LARP4B: variants seen among roughly 807,000 people sequenced by gnomAD.
The protein encoded by LARP4B is La ribonucleoprotein 4B.
LARP4B carries 12 observed loss-of-function variants against 89.8 expected under a neutral mutation model. The observed-to-expected ratio is 0.13, with a 90% CI of 0.09 to 0.22. The LOEUF is 0.22. LARP4B is among the 10% of genes least tolerant of loss of function. The probability of loss-of-function intolerance (pLI) is 1.00; values close to 1 mark genes in which losing one functional copy is unlikely to be tolerated. For synonymous variants in LARP4B, 367 were observed against 363.3 expected (o/e 1.01, Z -0.12); for missense variants, 757 against 947.7 (o/e 0.80, Z 2.64).
chr10:897,819 C>G (rs1471954887), intron 1 of LARP4B, among the ~76,000 whole-genome samples: 1 of 151,770 alleles, frequency 6.6e-6, no homozygotes, highest in Non-Finnish European at 1.5e-5. Context: ...GAGACCCTGT[C>G]TCTACTTAAA....
chr10:974,352 A>G, the LARP4B span, among the ~76,000 whole-genome samples: 1 of 151,944 alleles, frequency 6.6e-6, no homozygotes, highest in African/African-American at 2.4e-5. Flanking sequence ...CCCATTAACT[A>G]TTTCTCCAGA....
chr10:878,077 C>A (rs1031473409), intron 3 of LARP4B, among the ~76,000 whole-genome samples: 1 of 152,124 alleles, frequency 6.6e-6, no homozygotes, highest in Admixed American at 6.5e-5. Flanking sequence ...AGGCAGAGAG[C>A]CCTGCGGTAA....
chr10:891,438 T>C (rs528291292), intron 1 of LARP4B, among the ~76,000 whole-genome samples: 1 of 152,362 alleles, frequency 6.6e-6, no homozygotes, highest in South Asian at 2.1e-4. Context: ...TTCTCAGATG[T>C]GATAACGATG....
chr10:891,641 A>G (rs937383816), intron 1 of LARP4B, among the ~76,000 whole-genome samples: 2 of 152,150 alleles, frequency 1.3e-5, no homozygotes, highest in Non-Finnish European at 2.9e-5. Context: ...TACATTTGAA[A>G]TTTTCTATAA....
chr10:830,844 G>A, intron 9 of LARP4B, 23 bp downstream of exon 9: 5 of 990,914 alleles, frequency 5.0e-6, no homozygotes, highest in Non-Finnish European at 8.1e-6. Flanking sequence ...GCAATTCATA[G>A]GGTGATGGTG....
the LARP4B span, among the ~76,000 whole-genome samples, chr10:979,832 G>A: frequency 2.0e-5 from 3 of 152,012 alleles, no homozygotes; most frequent in Non-Finnish European, 1.5e-5. Context: ...TTAGCCAGGT[G>A]TGGTGGTGGG....
chr10:968,735 C>T, the LARP4B span, among the ~76,000 whole-genome samples: 2 of 152,368 alleles, frequency 1.3e-5, no homozygotes, highest in South Asian at 2.1e-4. Flanking sequence ...ATGGCAACAT[C>T]GGGAGGAAAT....
rs56787174 is a variant in LARP4B, at chr10:909,293, C to CAAA, written c.-40+22132_-40+22134dup. Among the ~76,000 whole-genome samples, 420 of 80,800 alleles carry CAAA rather than the reference C, an allele frequency of 5.2e-3. 12 individuals carry two copies. The highest frequency in any genetic ancestry group is 0.021 in the African/African-American group (376 of 18,198). The allele number at this position is 80,800 out of a possible 152,430, so 53.0% of individuals were successfully genotyped here. A position where few individuals can be genotyped will look rare whatever the true frequency, so the allele number is the denominator to read the frequency against. ...TGGGCGACAGAGCACGACTCCGTCT[C>CAAA]AAAAAAAAAAAAAAAAAAAGGAAAT... On this transcript the variant is annotated intron_variant, in intron 1 of 17. Coordinates refer to ENST00000316157, the MANE Select transcript of LARP4B (RefSeq NM_015155.3).
intron 11 of LARP4B, among the ~76,000 whole-genome samples, chr10:827,752 T>C (rs866207267): frequency 9.2e-5 from 14 of 152,258 alleles, no homozygotes; most frequent in Middle Eastern, 6.8e-3. Flanking sequence ...AGGACTAGCA[T>C]GGCAAGCCAC....
the LARP4B span, among the ~76,000 whole-genome samples, chr10:958,343 C>T: frequency 6.6e-6 from 1 of 152,212 alleles, no homozygotes; most frequent in African/African-American, 2.4e-5. Flanking sequence ...TGGGCGCAGA[C>T]ACCCCGTGAA....
At chr10:933,924 C>T (rs1830717405), upstream of LARP4B, among the ~76,000 whole-genome samples, 2 of 151,998 alleles carry the variant, frequency 1.3e-5, no homozygotes, top group African/African-American at 4.8e-5. Flanking sequence ...CCTCAGTCTC[C>T]CGGGTTCAAG....
chr10:843,956 G>C (rs1833653882), intron 6 of LARP4B, among the ~76,000 whole-genome samples: 1 of 152,212 alleles, frequency 6.6e-6, no homozygotes, highest in East Asian at 1.9e-4. Flanking sequence ...CTATTTTCTG[G>C]TGTTTTGGCC....
intron 5 of LARP4B, among the ~76,000 whole-genome samples, chr10:857,183 T>C (rs1834346451): frequency 6.6e-6 from 1 of 152,088 alleles, no homozygotes; most frequent in Non-Finnish European, 1.5e-5. Flanking sequence ...GAACCAGGCA[T>C]GACAGAGATG....
In LARP4B at chr10:825,749, C is replaced by T. The variant is rs778027831; in HGVS notation, c.1232+15G>A. The T allele has an allele frequency of 6.3e-6, 10 of 1,591,872 alleles. No homozygotes were observed. The East Asian group carries it at 8.9e-5, about 14-fold the overall frequency. On this transcript the variant is annotated intron_variant, in intron 12 of 17. Coordinates refer to ENST00000316157, the MANE Select transcript of LARP4B (RefSeq NM_015155.3). ...GCGTAAAGACCAAAACTGCTAAGACCGCCCCGGAACTTGCCTGCTTCGAGG... is the reference window on the plus strand; with the variant it reads ...GCGTAAAGACCAAAACTGCTAAGACTGCCCCGGAACTTGCCTGCTTCGAGG...
the LARP4B span, among the ~76,000 whole-genome samples, chr10:948,030 C>T: frequency 3.9e-5 from 6 of 152,084 alleles, no homozygotes; most frequent in Admixed American, 2.0e-4. Context: ...GAGGGCAGCA[C>T]GGGAGACCCC....
chr10:881,767 C>T (rs541389526), intron 3 of LARP4B, among the ~76,000 whole-genome samples: 1 of 152,348 alleles, frequency 6.6e-6, no homozygotes, highest in Admixed American at 6.5e-5. Context: ...GTGCCTCCCA[C>T]CTCCAGGTGT....
chr10:981,562 CT>C, the LARP4B span, among the ~76,000 whole-genome samples: 1 of 151,406 alleles, frequency 6.6e-6, no homozygotes, highest in Admixed American at 6.6e-5. Context: ...GTACTTTGTA[CT>C]TTTTTTTTGT....
At chr10:944,023 G>A in the LARP4B span, among the ~76,000 whole-genome samples, 1 of 152,188 alleles carries the variant, frequency 6.6e-6, no homozygotes, top group African/African-American at 2.4e-5. Flanking sequence ...GGTCTTACTG[G>A]TGCATAACAA....
At chr10:974,085 G>A in the LARP4B span, among the ~76,000 whole-genome samples, 1 of 152,160 alleles carries the variant, frequency 6.6e-6, no homozygotes, top group Non-Finnish European at 1.5e-5. Context: ...GGAGAACCTG[G>A]GGAGTGAGCC....
Sources: gnomAD v4.1 joint callset for allele counts (sites outside exome capture counted in the v4.1 genomes callset) on GRCh38, gnomAD v4.1.1 for gene constraint, MANE v1.5 for transcripts, NCBI Gene and HGNC (gene_info 2026-07-23, HGNC 2026-07-21) for gene names.